SDCCAG8: variants seen among roughly 807,000 people sequenced by gnomAD.
The protein encoded by SDCCAG8 is serologically defined colon cancer antigen 8.
Under a neutral mutation model 101.8 loss-of-function variants are expected in SDCCAG8, and 74 were observed. The ratio of observed to expected loss-of-function variants is 0.73; its 90% CI spans 0.60 to 0.88. The LOEUF (loss-of-function observed/expected upper bound fraction) is 0.88. Among genes scored for constraint, SDCCAG8 ranks in the 40% least tolerant of loss-of-function variants. The probability of loss-of-function intolerance (pLI) is 0.00; values close to 1 mark genes in which losing one functional copy is unlikely to be tolerated. For missense variants in SDCCAG8, 787 were observed against 822.6 expected (o/e 0.96, Z 0.53); for synonymous variants, 281 against 292.9 (o/e 0.96, Z 0.41).
At chr1:243,323,220 T>A (rs2073903703) in intron 9 of SDCCAG8, among the ~76,000 whole-genome samples, 1 of 152,108 alleles carries the variant, frequency 6.6e-6, no homozygotes, top group Non-Finnish European at 1.5e-5. Context: ...GAACAATTCT[T>A]TTCTCTGCAG....
At position 243,330,627 on chromosome 1, in the gene SDCCAG8, A is replaced by G. The variant is rs1196764263; in HGVS notation, c.1156A>G (p.Arg386Gly). 6.8e-6 allele frequency: 11 copies of G among 1,614,100 alleles called. No homozygotes were observed. The South Asian group carries it at 1.2e-4, about 18-fold the overall frequency. The change falls in exon 10 of 18, where the codon AGG becomes GGG. Residue 386 changes from arginine to glycine, a missense_variant. Coordinates refer to ENST00000366541, the MANE Select transcript of SDCCAG8 (RefSeq NM_006642.5). ...EKELASQQEK[R>G]AIEKDMMKKE... ...AGAACTTGCATCTCAGCAAGAGAAA[A>G]GGGCCATTGAGAAAGACATGATGAA...
intron 15 of SDCCAG8, among the ~76,000 whole-genome samples, chr1:243,423,913 A>T (rs534002426): frequency 6.6e-6 from 1 of 152,178 alleles, no homozygotes; most frequent in South Asian, 2.1e-4. Context: ...ACCTTATAGG[A>T]TTAATTGAGA....
chr1:243,312,239 C>G (rs1385201831), intron 8 of SDCCAG8, among the ~76,000 whole-genome samples: 1 of 152,182 alleles, frequency 6.6e-6, no homozygotes, highest in Non-Finnish European at 1.5e-5. Flanking sequence ...CCTGCCCCCT[C>G]CATAAGCTGT....
intron 9 of SDCCAG8, among the ~76,000 whole-genome samples, chr1:243,317,572 C>T (rs576399811): frequency 3.3e-5 from 5 of 152,298 alleles, no homozygotes; most frequent in East Asian, 1.9e-4. Context: ...CTGCCCATCT[C>T]GTCCTCCCAA....
intron 16 of SDCCAG8, among the ~76,000 whole-genome samples, chr1:243,463,382 C>A (rs190903090): frequency 2.3e-4 from 35 of 152,360 alleles, no homozygotes; most frequent in African/African-American, 8.2e-4. Flanking sequence ...GGATTGCACA[C>A]TTTAGAAAAC....
intron 12 of SDCCAG8, among the ~76,000 whole-genome samples, chr1:243,349,778 T>G (rs1016541622): frequency 1.3e-5 from 2 of 152,076 alleles, no homozygotes; most frequent in Non-Finnish European, 2.9e-5. Context: ...TGTTTTTAGG[T>G]TGGTTCCAAT....
At chr1:243,452,416 T>G (rs80208873) in intron 16 of SDCCAG8, among the ~76,000 whole-genome samples, 1 of 101,710 alleles carries the variant, frequency 9.8e-6, no homozygotes, top group African/African-American at 4.5e-5. Context: ...TCTCATCTCT[T>G]TTTTTTTTTT....
chr1:243,276,815 C>G (rs1327292743), intron 4 of SDCCAG8, among the ~76,000 whole-genome samples: 1 of 152,104 alleles, frequency 6.6e-6, no homozygotes, highest in Non-Finnish European at 1.5e-5. Flanking sequence ...TCCGCCCCTT[C>G]CCTCCCATCC....
chr1:243,279,692 T>A (rs2068868635), intron 4 of SDCCAG8, among the ~76,000 whole-genome samples: 1 of 152,254 alleles, frequency 6.6e-6, no homozygotes, highest in African/African-American at 2.4e-5. Context: ...ATTGTTGATA[T>A]GATGGATTAC....
intron 4 of SDCCAG8, among the ~76,000 whole-genome samples, chr1:243,276,642 AATT>A (rs1317227838): frequency 1.3e-5 from 2 of 152,114 alleles, no homozygotes; most frequent in Admixed American, 6.5e-5. Flanking sequence ...ACTATTGTTA[AATT>A]ATTATTATCT....
intron 6 of SDCCAG8, among the ~76,000 whole-genome samples, chr1:243,302,218 A>G (rs931219884): frequency 2.6e-5 from 4 of 152,224 alleles, no homozygotes; most frequent in Non-Finnish European, 5.9e-5. Context: ...AGTGCATTCG[A>G]GCTTGGGTGA....
chr1:243,316,345 T>A (rs1010454265), intron 8 of SDCCAG8, among the ~76,000 whole-genome samples: 1 of 152,242 alleles, frequency 6.6e-6, no homozygotes, highest in East Asian at 1.9e-4. Context: ...GAGAGGAGAA[T>A]CTGCTGCATG....
intron 16 of SDCCAG8, among the ~76,000 whole-genome samples, chr1:243,465,497 T>G (rs1205629957): frequency 6.6e-6 from 1 of 152,236 alleles, no homozygotes; most frequent in Non-Finnish European, 1.5e-5. Flanking sequence ...ATTCAAAAAG[T>G]TTAGTCCTGA....
chr1:243,428,914 A>G (rs1305961493), intron 16 of SDCCAG8, among the ~76,000 whole-genome samples: 1 of 152,258 alleles, frequency 6.6e-6, no homozygotes, highest in Non-Finnish European at 1.5e-5. Context: ...AATCGTCTGC[A>G]TGTGAACAGT....
chr1:243,348,965 A>G (rs950663151), intron 12 of SDCCAG8, among the ~76,000 whole-genome samples: 3 of 151,982 alleles, frequency 2.0e-5, no homozygotes, highest in African/African-American at 7.3e-5. Flanking sequence ...CAGCCTGGGC[A>G]ACAAGAGCGA....
chr1:243,445,597 T>C (rs986401392), intron 16 of SDCCAG8, among the ~76,000 whole-genome samples: 2 of 152,202 alleles, frequency 1.3e-5, no homozygotes, highest in African/African-American at 4.8e-5. Context: ...GGCATATTTT[T>C]TGTGTGTAAG....
At chr1:243,461,386 G>C (rs1659078805) in intron 16 of SDCCAG8, among the ~76,000 whole-genome samples, 1 of 152,190 alleles carries the variant, frequency 6.6e-6, no homozygotes, top group Admixed American at 6.5e-5. Flanking sequence ...GCTCTGAAAG[G>C]TGTCACTGAC....
At position 243,387,099 on chromosome 1, in the gene SDCCAG8, G is replaced by A. The variant is rs187963594; in HGVS notation, c.1616+8236G>A. Among the ~76,000 whole-genome samples the A allele has an allele frequency of 2.6e-3, 390 of 152,282 alleles. 2 individuals carry two copies. The highest frequency in any genetic ancestry group is 8.7e-3 in the African/African-American group (361 of 41,542). On this transcript the variant is annotated intron_variant, in intron 13 of 17. Coordinates refer to ENST00000366541, the MANE Select transcript of SDCCAG8 (RefSeq NM_006642.5). The stretch of plus-strand genomic sequence containing the variant: ...AATGTATTCATCTTAGGCCAGGGGC[G>A]GTGGCTTATGCCGCTCATATGACTA...
At chr1:243,457,083 A>G (rs1329820024) in intron 16 of SDCCAG8, among the ~76,000 whole-genome samples, 1 of 152,258 alleles carries the variant, frequency 6.6e-6, no homozygotes, top group African/African-American at 2.4e-5. Context: ...TGCTAGAAAC[A>G]TTAATGCTTT....
Sources: allele counts gnomAD v4.1 joint callset (sites outside exome capture counted in the v4.1 genomes callset), GRCh38; gene constraint gnomAD v4.1.1; transcripts MANE v1.5; gene names NCBI Gene and HGNC (gene_info 2026-07-23, HGNC 2026-07-21).